The following FAM13A variants were observed in gnomAD, a reference collection of about 807,000 sequenced individuals.
FAM13A encodes protein FAM13A.
Under a neutral mutation model 129.6 loss-of-function variants are expected in FAM13A, and 76 were observed. That is an observed-to-expected ratio of 0.59 (90% CI 0.49 to 0.71). The LOEUF is 0.71. Among genes scored for constraint, FAM13A ranks in the 30% least tolerant of loss-of-function variants. The pLI, the probability that FAM13A is intolerant of heterozygous loss-of-function variation, is 0.00. For synonymous variants in FAM13A, 443 were observed against 449.9 expected (o/e 0.98, Z 0.20); for missense variants, 1,108 against 1,249.3 (o/e 0.89, Z 1.70).
intron 8 of FAM13A, among the ~76,000 whole-genome samples, chr4:88,792,680 C>T (rs1003171942): frequency 6.6e-6 from 1 of 151,948 alleles, no homozygotes; most frequent in African/African-American, 2.4e-5. Flanking sequence ...GGGGAAAACC[C>T]AGAAGAGAGT....
At chr4:89,020,881 A>T (rs1410991150) in intron 2 of FAM13A, among the ~76,000 whole-genome samples, 1 of 152,208 alleles carries the variant, frequency 6.6e-6, no homozygotes, top group Non-Finnish European at 1.5e-5. Context: ...ATCATATATG[A>T]TTGGTATAAA....
chr4:88,999,493 C>T (rs1456947825), intron 3 of FAM13A, among the ~76,000 whole-genome samples: 2 of 152,146 alleles, frequency 1.3e-5, no homozygotes, highest in Non-Finnish European at 2.9e-5. Flanking sequence ...AGTATCTCAG[C>T]TAATAAAACT....
chr4:88,950,297 C>T (rs1231212165), intron 4 of FAM13A, among the ~76,000 whole-genome samples: 1 of 151,182 alleles, frequency 6.6e-6, no homozygotes, highest in Non-Finnish European at 1.5e-5. Context: ...AACTCCTAGG[C>T]TCAGGCAATC....
chr4:89,029,959 T>TA, intron 1 of FAM13A: 1 of 239,782 alleles, frequency 4.2e-6, no homozygotes, highest in Non-Finnish European at 7.9e-6. Context: ...ACTACCTGGT[T>TA]AACAGGAAAA....
At chr4:88,980,761 C>T (rs1206508576) in intron 4 of FAM13A, among the ~76,000 whole-genome samples, 2 of 152,028 alleles carry the variant, frequency 1.3e-5, no homozygotes, top group Non-Finnish European at 2.9e-5. Flanking sequence ...GGTTACAAAC[C>T]AAATATAGCT....
chr4:88,978,602 G>A (rs1761220849), intron 4 of FAM13A, among the ~76,000 whole-genome samples: 1 of 152,152 alleles, frequency 6.6e-6, no homozygotes, highest in Non-Finnish European at 1.5e-5. Flanking sequence ...AGACCATCCT[G>A]GCTAACACGG....
At chr4:88,911,849 T>C (rs10031868) in intron 5 of FAM13A, among the ~76,000 whole-genome samples, 3 of 152,232 alleles carry the variant, frequency 2.0e-5, no homozygotes, top group African/African-American at 7.2e-5. Context: ...ATGGTCCTAC[T>C]TGCTTCCCTT....
intron 1 of FAM13A, among the ~76,000 whole-genome samples, chr4:89,042,059 T>C (rs553016344): frequency 8.9e-5 from 13 of 146,028 alleles, no homozygotes; most frequent in African/African-American, 3.2e-4. Context: ...CCAGCCTTCA[T>C]TGCAGCACAT....
chr4:89,013,526 C>A (rs1051349416), intron 3 of FAM13A, among the ~76,000 whole-genome samples: 1 of 151,976 alleles, frequency 6.6e-6, no homozygotes, highest in African/African-American at 2.4e-5. Context: ...ATGTTTTGGT[C>A]ACTGAGGGAC....
At chr4:89,034,434 C>T (rs1296340007) in intron 1 of FAM13A, among the ~76,000 whole-genome samples, 3 of 152,130 alleles carry the variant, frequency 2.0e-5, no homozygotes, top group African/African-American at 4.8e-5. Flanking sequence ...CAGATGTTGT[C>T]AGGGTTGCAG....
intron 6 of FAM13A, among the ~76,000 whole-genome samples, chr4:88,867,345 T>C (rs1740625090): frequency 1.3e-5 from 2 of 152,192 alleles, no homozygotes; most frequent in African/African-American, 2.4e-5. Flanking sequence ...CCCTTCAGCA[T>C]ACACTTGGGA....
At chr4:88,915,106 C>T (rs1249786378) in intron 5 of FAM13A, among the ~76,000 whole-genome samples, 1 of 152,154 alleles carries the variant, frequency 6.6e-6, no homozygotes, top group Non-Finnish European at 1.5e-5. Context: ...ATGGCTGAGG[C>T]ATCTTATAGG....
At chr4:88,806,991 C>CAAAA (rs1422144087) in intron 7 of FAM13A, among the ~76,000 whole-genome samples, 1 of 151,564 alleles carries the variant, frequency 6.6e-6, no homozygotes, top group East Asian at 1.9e-4. Flanking sequence ...GCCAAACAAA[C>CAAAA]AAAAAAACCT....
At chr4:89,048,729 A>G (rs1771175466) in intron 1 of FAM13A, among the ~76,000 whole-genome samples, 1 of 152,306 alleles carries the variant, frequency 6.6e-6, no homozygotes, top group East Asian at 1.9e-4. Flanking sequence ...GTCTAATAAC[A>G]TATTATTGCT....
At chr4:88,896,323 T>G (rs1746315366) in intron 6 of FAM13A, among the ~76,000 whole-genome samples, 1 of 151,674 alleles carries the variant, frequency 6.6e-6, no homozygotes, top group Non-Finnish European at 1.5e-5. Flanking sequence ...TAATGCTAGA[T>G]GACGAGTTAG....
At chr4:88,916,924 G>A (rs1445770707) in intron 5 of FAM13A, among the ~76,000 whole-genome samples, 2 of 152,110 alleles carry the variant, frequency 1.3e-5, no homozygotes, top group Middle Eastern at 3.4e-3. Context: ...GATGAGAACA[G>A]GTATTATTTT....
At chr4:88,945,646 T>C (rs1194595539) in intron 4 of FAM13A, among the ~76,000 whole-genome samples, 1 of 151,642 alleles carries the variant, frequency 6.6e-6, no homozygotes, top group Non-Finnish European at 1.5e-5. Context: ...GCAACATCCC[T>C]AATGCGACTG....
intron 5 of FAM13A, among the ~76,000 whole-genome samples, chr4:88,928,760 G>T (rs1443432439): frequency 1.3e-5 from 2 of 151,984 alleles, no homozygotes; most frequent in African/African-American, 2.4e-5. Flanking sequence ...AATCCAGTCT[G>T]CCAATCTGTA....
intron 1 of FAM13A, among the ~76,000 whole-genome samples, chr4:89,050,350 G>C (rs566287831): frequency 1.3e-5 from 2 of 151,956 alleles, no homozygotes; most frequent in African/African-American, 2.4e-5. Context: ...TCACAGGTGT[G>C]TGCCACCACT....
Sources: allele counts gnomAD v4.1 joint callset (sites outside exome capture counted in the v4.1 genomes callset), GRCh38; gene constraint gnomAD v4.1.1; transcripts MANE v1.5; gene names NCBI Gene and HGNC (gene_info 2026-07-23, HGNC 2026-07-21).